Variants in PAG1 observed in about 807,000 individuals in gnomAD.
PAG1 encodes phosphoprotein associated with glycosphingolipid-enriched microdomains 1.
A neutral mutation model predicts 31.7 loss-of-function variants in PAG1; 23 were observed. That is an observed-to-expected ratio of 0.73 (90% CI 0.52 to 1.03). PAG1 has a LOEUF of 1.03. Ranked by LOEUF, PAG1 falls within the 50% of genes least tolerant of loss-of-function variation. The pLI, the probability that PAG1 is intolerant of heterozygous loss-of-function variation, is 0.00. For missense variants in PAG1, 473 were observed against 540.7 expected, an observed-to-expected ratio of 0.87 and a Z score of 1.24; for synonymous variants, 214 against 210.3, an observed-to-expected ratio of 1.02 and a Z score of -0.15.
At chr8:81,008,130 A>G (rs1345887123) in intron 3 of PAG1, among the ~76,000 whole-genome samples, 1 of 152,188 alleles carries the variant, frequency 6.6e-6, no homozygotes, top group Non-Finnish European at 1.5e-5. Context: ...TTTGTAAGCA[A>G]TTATTTCTAA....
At chr8:81,097,048 C>T (rs573762471) in intron 1 of PAG1, among the ~76,000 whole-genome samples, 1 of 152,348 alleles carries the variant, frequency 6.6e-6, no homozygotes, top group South Asian at 2.1e-4. Context: ...TCCACAATTG[C>T]TCTCATTACC....
At chr8:80,986,831 G>A (rs1807434207) in intron 6 of PAG1, among the ~76,000 whole-genome samples, 1 of 151,826 alleles carries the variant, frequency 6.6e-6, no homozygotes, top group Admixed American at 6.6e-5. Context: ...AGAGAGGGAT[G>A]TGAAGAATGA....
chr8:81,008,292 T>C (rs1173841762), intron 3 of PAG1, among the ~76,000 whole-genome samples: 1 of 152,170 alleles, frequency 6.6e-6, no homozygotes, highest in African/African-American at 2.4e-5. Flanking sequence ...TGCCATGTTA[T>C]AGTGTTTCAG....
chr8:81,074,326 G>T (rs1345586130), intron 1 of PAG1, among the ~76,000 whole-genome samples: 1 of 152,134 alleles, frequency 6.6e-6, no homozygotes, highest in Non-Finnish European at 1.5e-5. Context: ...AGGATCATGA[G>T]GGAAGAGGGA....
At chr8:81,025,854 T>C (rs930493998) in intron 3 of PAG1, among the ~76,000 whole-genome samples, 5 of 152,216 alleles carry the variant, frequency 3.3e-5, no homozygotes, top group Non-Finnish European at 4.4e-5. Flanking sequence ...TCAATGGGGA[T>C]AGAGTTCCAA....
At chr8:81,012,995 A>T (rs1056956910) in intron 3 of PAG1, among the ~76,000 whole-genome samples, 1 of 152,254 alleles carries the variant, frequency 6.6e-6, no homozygotes, top group Non-Finnish European at 1.5e-5. Context: ...CACATCCACA[A>T]GACAGAGGTT....
chr8:81,057,194 A>G (rs1808838311), intron 2 of PAG1, among the ~76,000 whole-genome samples: 2 of 152,214 alleles, frequency 1.3e-5, no homozygotes, highest in Admixed American at 1.3e-4. Flanking sequence ...TAGAAATACC[A>G]TTTGACCCAG....
At chr8:81,080,534 A>G (rs1285266447) in intron 1 of PAG1, among the ~76,000 whole-genome samples, 1 of 151,920 alleles carries the variant, frequency 6.6e-6, no homozygotes, top group Non-Finnish European at 1.5e-5. Flanking sequence ...CTGGGTAAGT[A>G]GTGGTAAGGA....
At chr8:81,060,259 C>T (rs1251820977) in intron 2 of PAG1, among the ~76,000 whole-genome samples, 1 of 152,176 alleles carries the variant, frequency 6.6e-6, no homozygotes, top group African/African-American at 2.4e-5. Flanking sequence ...TCAAAAGAGA[C>T]AAAAATCAAT....
intron 1 of PAG1, among the ~76,000 whole-genome samples, chr8:81,094,862 A>C (rs890099669): frequency 1.3e-5 from 2 of 152,192 alleles, no homozygotes; most frequent in Non-Finnish European, 2.9e-5. Flanking sequence ...CTATGAAAAG[A>C]AGCACATTGC....
chr8:81,021,221 T>C (rs370877023), intron 3 of PAG1, among the ~76,000 whole-genome samples: 1 of 152,228 alleles, frequency 6.6e-6, no homozygotes, highest in Non-Finnish European at 1.5e-5. Context: ...GATATCATTA[T>C]CACTTTGTAT....
chr8:81,089,442 C>A (rs1157492829), intron 1 of PAG1, among the ~76,000 whole-genome samples: 1 of 152,144 alleles, frequency 6.6e-6, no homozygotes, highest in African/African-American at 2.4e-5. Flanking sequence ...GTGGTGGGTG[C>A]CTGTAGTCCC....
At chr8:81,076,951 A>T (rs1345122474) in intron 1 of PAG1, among the ~76,000 whole-genome samples, 1 of 152,244 alleles carries the variant, frequency 6.6e-6, no homozygotes, top group African/African-American at 2.4e-5. Context: ...GAAGATGATT[A>T]TGAAGAATGA....
At chr8:81,073,182 C>G (rs1007140105) in intron 1 of PAG1, among the ~76,000 whole-genome samples, 1 of 152,158 alleles carries the variant, frequency 6.6e-6, no homozygotes, top group Non-Finnish European at 1.5e-5. Context: ...CTAGGCATAG[C>G]CATGATATAT....
Position 81,111,618 on chromosome 8 carries a change from T to C in PAG1, c.-261A>G, listed in dbSNP as rs1209375806. The C allele has an allele frequency of 2.6e-5, 4 of 151,150 alleles. No individual in the cohort carries two copies. Among genetic ancestry groups the C allele is most frequent in the Non-Finnish European group, 5.9e-5 (4 of 67,892 alleles). 9.4% of individuals were successfully genotyped at this position (151,150 alleles called of 1,614,324 possible). A position where few individuals can be genotyped will look rare whatever the true frequency, so the allele number is the denominator to read the frequency against. ...GGACTCAGGAGGCAGGGAGTCTTCC[T>C]GGCGGACGGCGCTCGGAGGCAGCCT... is the stretch of plus-strand genomic sequence containing the variant. On this transcript the variant is annotated 5_prime_UTR_variant, in exon 1 of 9. Coordinates refer to ENST00000220597, the MANE Select transcript of PAG1 (RefSeq NM_018440.4).
At chr8:81,072,944 T>C (rs1313113629) in intron 1 of PAG1, among the ~76,000 whole-genome samples, 2 of 152,222 alleles carry the variant, frequency 1.3e-5, no homozygotes. Context: ...GACAATGATT[T>C]AGTGCATGCT....
intron 6 of PAG1, among the ~76,000 whole-genome samples, chr8:80,986,191 C>T (rs996842680): frequency 3.9e-5 from 6 of 152,126 alleles, no homozygotes; most frequent in Non-Finnish European, 7.4e-5. Flanking sequence ...AATAGTGTTT[C>T]CAAGGGGTAT....
chr8:80,980,596 T>A lies in PAG1; in HGVS notation c.877-102A>T. 8.1e-6 allele frequency: 6 copies of A among 737,434 alleles called. No individual in the cohort carries two copies. In the South Asian group the frequency reaches 9.8e-5, roughly 12 times the overall value. The allele number at this position is 737,434 out of a possible 1,614,324, so 45.7% of individuals were successfully genotyped here. A position where few individuals can be genotyped will look rare whatever the true frequency, so the allele number is the denominator to read the frequency against. ...TAATCTGTCTAGCAACGTTTTCAAA[T>A]GATTTTTATGGAACCACGAAGAAAT... On this transcript the variant is annotated intron_variant, in intron 7 of 8. Coordinates refer to ENST00000220597, the MANE Select transcript of PAG1 (RefSeq NM_018440.4).
chr8:80,976,492 G>T lies in PAG1; in HGVS notation c.*52C>A. 6.5e-7 allele frequency: 1 copy of T among 1,532,894 alleles called. No homozygotes were observed. The highest frequency in any genetic ancestry group is 8.7e-7 in the Non-Finnish European group (1 of 1,143,774). 95.0% of individuals were successfully genotyped at this position (1,532,894 alleles called of 1,614,324 possible). ...GTGTCACTTCTTCTCTTCCACAGAA[G>T]AAACGTCTCCAGACACTGATCACAG... On this transcript the variant is annotated 3_prime_UTR_variant, in exon 9 of 9. Transcript: ENST00000220597.
Sources: gnomAD v4.1 joint callset for allele counts (sites outside exome capture counted in the v4.1 genomes callset) on GRCh38, gnomAD v4.1.1 for gene constraint, MANE v1.5 for transcripts, NCBI Gene and HGNC (gene_info 2026-07-23, HGNC 2026-07-21) for gene names.